The following DHX57 variants were observed in gnomAD, a reference collection of about 807,000 sequenced individuals.
DHX57 encodes DExH-box helicase 57.
A neutral mutation model predicts 156.2 loss-of-function variants in DHX57; 105 were observed. That is an observed-to-expected ratio of 0.67 (90% CI 0.57 to 0.79). The LOEUF is 0.79. Ranked by LOEUF, DHX57 falls within the 30% of genes least tolerant of loss-of-function variation. The probability of loss-of-function intolerance (pLI) is 0.00; values close to 1 mark genes in which losing one functional copy is unlikely to be tolerated. For synonymous variants in DHX57, 704 were observed against 595.6 expected (o/e 1.18, Z -2.65); for missense variants, 1,847 against 1,661.9 (o/e 1.11, Z -1.94).
At chr2:38,857,806 T>A (rs1170835625) in intron 6 of DHX57, among the ~76,000 whole-genome samples, 1 of 152,252 alleles carries the variant, frequency 6.6e-6, no homozygotes, top group Non-Finnish European at 1.5e-5. Flanking sequence ...TATGCGATCT[T>A]GGGCACATTA....
chr2:38,871,859 G>A (rs759934878), intron 1 of DHX57, among the ~76,000 whole-genome samples: 11 of 151,788 alleles, frequency 7.2e-5, no homozygotes, highest in South Asian at 6.2e-4. Context: ...GGTGACCGCC[G>A]CCGGCTAAGT....
chr2:38,870,888 A>G (rs1665321611), intron 1 of DHX57, among the ~76,000 whole-genome samples: 1 of 152,012 alleles, frequency 6.6e-6, no homozygotes, highest in South Asian at 2.1e-4. Flanking sequence ...CAAAAAAACA[A>G]AAAACAAAAA....
At chr2:38,867,413 T>C (rs1408544600) in intron 2 of DHX57, among the ~76,000 whole-genome samples, 1 of 152,236 alleles carries the variant, frequency 6.6e-6, no homozygotes, top group Non-Finnish European at 1.5e-5. Context: ...TATTCATTAG[T>C]TAAAAGTTGA....
At chr2:38,808,233 G>A (rs530482943) in intron 21 of DHX57, among the ~76,000 whole-genome samples, 6 of 152,042 alleles carry the variant, frequency 3.9e-5, no homozygotes, top group East Asian at 3.9e-4. Flanking sequence ...GATTACAGGC[G>A]TGAGCCACTG....
chr2:38,848,537 T>A, intron 9 of DHX57, 135 bp from the exon 10 acceptor site: 1 of 879,714 alleles, frequency 1.1e-6, no homozygotes, highest in Non-Finnish European at 1.7e-6. Context: ...CATAGAACAA[T>A]ATGTCCTGTT....
intron 1 of DHX57, among the ~76,000 whole-genome samples, chr2:38,874,311 G>A (rs900594953): frequency 6.6e-6 from 1 of 151,332 alleles, no homozygotes; most frequent in Non-Finnish European, 1.5e-5. Context: ...AGCTGGTCTC[G>A]TACTCCTGAG....
At chr2:38,868,476 C>A in intron 1 of DHX57, 65 bp from the exon 2 acceptor site, 2 of 1,501,002 alleles carry the variant, frequency 1.3e-6, no homozygotes, top group Non-Finnish European at 1.8e-6. Context: ...CCTTTGTTTG[C>A]CAAACTTATG....
intron 23 of DHX57, among the ~76,000 whole-genome samples, 176 bp downstream of exon 23, chr2:38,802,539 C>T (rs1356978983): frequency 1.3e-5 from 2 of 151,898 alleles, no homozygotes; most frequent in East Asian, 3.9e-4. Flanking sequence ...CTGCCTGCCT[C>T]GGCCTCCCAA....
chr2:38,821,342 G>C (rs2148556644), intron 17 of DHX57, among the ~76,000 whole-genome samples: 1 of 152,002 alleles, frequency 6.6e-6, no homozygotes, highest in East Asian at 1.9e-4. Flanking sequence ...GTAAACAGAA[G>C]GAAGGAAAGA....
At chr2:38,856,097 A>T (rs1672880706) in intron 7 of DHX57, among the ~76,000 whole-genome samples, 1 of 152,152 alleles carries the variant, frequency 6.6e-6, no homozygotes, top group Non-Finnish European at 1.5e-5. Context: ...CGTGACAGGA[A>T]ATCAGAATAA....
Position 38,861,638 on chromosome 2 carries a change from T to C in DHX57, c.772A>G (p.Ile258Val). The C allele has an allele frequency of 6.2e-7, 1 of 1,614,228 alleles. No individual in the cohort carries two copies. Among genetic ancestry groups the C allele is most frequent in the African/African-American group, 1.3e-5 (1 of 75,062 alleles). ...RQEEAFALKS[I>V]CGEKFIERIQ... ...CTTTCTATAAATTTTTCTCCACAGATGGACTTGAGAGCAAATGCCTCTTCC... is the reference window on the plus strand; with the variant it reads ...CTTTCTATAAATTTTTCTCCACAGACGGACTTGAGAGCAAATGCCTCTTCC... Residue 258 changes from isoleucine to valine, a missense_variant, in exon 5 of 24, where the codon ATC (isoleucine) becomes GTC (valine). Physicochemically the swap from Ile to Val is conservative, Grantham distance 29 (BLOSUM62 3). Transcript: ENST00000457308.
intron 11 of DHX57, 96 bp from the exon 12 acceptor site, chr2:38,843,306 C>T: frequency 8.0e-7 from 1 of 1,252,688 alleles, no homozygotes; most frequent in Admixed American, 1.9e-5. Flanking sequence ...AGCAAAATGT[C>T]ACTGTCTGCC....
intron 12 of DHX57, chr2:38,838,915 T>C (rs1487315802): frequency 3.6e-6 from 1 of 277,496 alleles, no homozygotes. Context: ...ACTACAAGCC[T>C]CGGCTCTTTT....
intron 4 of DHX57, 148 bp downstream of exon 4, chr2:38,861,997 A>G: frequency 8.4e-7 from 1 of 1,196,650 alleles, no homozygotes; most frequent in East Asian, 2.6e-5. Flanking sequence ...CCCCTGAATG[A>G]CCCCTTCTGA....
chr2:38,852,891 C>T (rs1672678353), intron 9 of DHX57, among the ~76,000 whole-genome samples: 5 of 152,276 alleles, frequency 3.3e-5, no homozygotes, highest in Admixed American at 3.3e-4. Flanking sequence ...GCTCCTGCTG[C>T]TTCTTCCCTG....
intron 5 of DHX57, among the ~76,000 whole-genome samples, chr2:38,859,086 G>A (rs1346903224): frequency 1.3e-5 from 2 of 152,188 alleles, no homozygotes; most frequent in African/African-American, 4.8e-5. Flanking sequence ...TGTTTCAACT[G>A]TACGCAAGTG....
At position 38,811,690 on chromosome 2, in the gene DHX57, G is replaced by A. The variant is rs562753492; in HGVS notation, c.3681+2131C>T. The stretch of plus-strand genomic sequence containing the variant: ...ATTGGAGGTGCAATTCCTGGTGCCT[G>A]GAATCTGTCTTCATGGCTCAGTGAA... On this transcript the variant is annotated intron_variant, in intron 21 of 23. Coordinates refer to ENST00000457308, the MANE Select transcript of DHX57 (RefSeq NM_198963.3). 168 of 963,698 alleles carry A rather than the reference G, an allele frequency of 1.7e-4. 1 individual carries two copies. The African/African-American group carries it at 2.7e-3, about 15-fold the overall frequency. 59.7% of individuals were successfully genotyped at this position (963,698 alleles called of 1,614,324 possible).
chr2:38,805,097 TC>T (rs1228986604), intron 22 of DHX57, among the ~76,000 whole-genome samples: 2 of 152,168 alleles, frequency 1.3e-5, no homozygotes, highest in Non-Finnish European at 2.9e-5. Context: ...CGATTTGGAT[TC>T]TCAAAAGAGG....
chr2:38,854,037 GA>G lies in DHX57; in HGVS notation c.2030+16del. On this transcript the variant is annotated intron_variant, in intron 9 of 23. Coordinates refer to ENST00000457308, the MANE Select transcript of DHX57 (RefSeq NM_198963.3). Reference sequence around the variant, plus strand: ...ATTCAGGTGAGTGTGTGTTCCCTGGGAAAGTCTTTGTTTTACCTTTCTTCTG... The same window carrying G: ...ATTCAGGTGAGTGTGTGTTCCCTGGGAAGTCTTTGTTTTACCTTTCTTCTG... 6.3e-7 allele frequency: 1 copy of G among 1,593,900 alleles called. No individual in the cohort carries two copies. The highest frequency in any genetic ancestry group is 8.6e-7 in the Non-Finnish European group (1 of 1,168,942).
Sources: gnomAD v4.1 joint callset for allele counts (sites outside exome capture counted in the v4.1 genomes callset) on GRCh38, gnomAD v4.1.1 for gene constraint, MANE v1.5 for transcripts, NCBI Gene and HGNC (gene_info 2026-07-23, HGNC 2026-07-21) for gene names.